RHOJ: variants seen among roughly 807,000 people sequenced by gnomAD.
The protein encoded by RHOJ is ras homolog family member J, also known as rho-related GTP-binding protein RhoJ.
RHOJ carries 11 observed loss-of-function variants against 23.4 expected under a neutral mutation model. The ratio of observed to expected loss-of-function variants is 0.47; its 90% CI spans 0.30 to 0.78. The LOEUF is 0.78. RHOJ is among the 30% of genes least tolerant of loss of function. RHOJ has a pLI of 0.08. For missense variants in RHOJ, 254 were observed against 273.4 expected, an observed-to-expected ratio of 0.93 and a Z score of 0.50; for synonymous variants, 102 against 102.7, an observed-to-expected ratio of 0.99 and a Z score of 0.04.
chr14:63,283,361 G>C (rs1010669428), intron 4 of RHOJ, 145 bp downstream of exon 4: 10 of 687,196 alleles, frequency 1.5e-5, no homozygotes, highest in African/African-American at 1.4e-4. Context: ...CTCCCCCTCT[G>C]TTCTAGTCGG....
intron 1 of RHOJ, among the ~76,000 whole-genome samples, chr14:63,242,465 G>A (rs897343894): frequency 2.3e-4 from 35 of 152,088 alleles, no homozygotes; most frequent in Non-Finnish European, 4.6e-4. Context: ...GCTACTTGGG[G>A]TGTTGAGGAG....
chr14:63,221,533 G>T (rs982209249), intron 1 of RHOJ, among the ~76,000 whole-genome samples: 1 of 152,202 alleles, frequency 6.6e-6, no homozygotes, highest in Non-Finnish European at 1.5e-5. Context: ...CATTATATAT[G>T]AAAGGATACA....
At chr14:63,213,976 G>A (rs982779648) in intron 1 of RHOJ, among the ~76,000 whole-genome samples, 7 of 152,180 alleles carry the variant, frequency 4.6e-5, no homozygotes, top group African/African-American at 1.7e-4. Context: ...TGTGCCCAAA[G>A]AAGGGACAAA....
intron 1 of RHOJ, among the ~76,000 whole-genome samples, chr14:63,238,512 G>A (rs1386477036): frequency 6.6e-6 from 1 of 152,102 alleles, no homozygotes; most frequent in African/African-American, 2.4e-5. Flanking sequence ...TGCCTTCCAG[G>A]CTCAAGCCAT....
rs369357705 is a variant in RHOJ, at chr14:63,281,166, G to A, written c.402+31G>A. On this transcript the variant is annotated intron_variant, in intron 3 of 4. Coordinates refer to ENST00000316754, the MANE Select transcript of RHOJ (RefSeq NM_020663.5). Reference sequence around the variant, plus strand: ...AATGTGGGCGATGGCAGGGTGGAGCGGGCTGCAAAAATGGGAAGACCCTTT... The same window carrying A: ...AATGTGGGCGATGGCAGGGTGGAGCAGGCTGCAAAAATGGGAAGACCCTTT... 32 of 1,568,926 alleles carry A rather than the reference G, an allele frequency of 2.0e-5. No individual in the cohort carries two copies. The Admixed American group carries it at 2.3e-4, about 11-fold the overall frequency.
At chr14:63,264,062 A>T (rs1388090780) in intron 1 of RHOJ, among the ~76,000 whole-genome samples, 1 of 151,914 alleles carries the variant, frequency 6.6e-6, no homozygotes, top group Non-Finnish European at 1.5e-5. Context: ...ATCGTGAATG[A>T]CACTGAGGTT....
intron 4 of RHOJ, among the ~76,000 whole-genome samples, chr14:63,290,147 G>A (rs909614709): frequency 6.6e-6 from 1 of 152,150 alleles, no homozygotes; most frequent in Non-Finnish European, 1.5e-5. Context: ...AGACGCTGAG[G>A]CAGGAGAATC....
At chr14:63,259,612 G>A (rs561593490) in intron 1 of RHOJ, among the ~76,000 whole-genome samples, 4 of 152,286 alleles carry the variant, frequency 2.6e-5, no homozygotes, top group Admixed American at 2.0e-4. Context: ...TAATAATAAA[G>A]GTAACAGTGA....
chr14:63,276,358 T>A (rs1467135703), intron 2 of RHOJ, among the ~76,000 whole-genome samples: 1 of 152,208 alleles, frequency 6.6e-6, no homozygotes, highest in African/African-American at 2.4e-5. Context: ...GGAATTGTAT[T>A]TTCCCAATTC....
Position 63,204,525 on chromosome 14 carries a change from C to A in RHOJ, c.-345C>A. The A allele has an allele frequency of 4.2e-6, 1 of 235,408 alleles. No homozygotes were observed. The highest frequency in any genetic ancestry group is 8.2e-6 in the Non-Finnish European group (1 of 121,602). 14.6% of individuals were successfully genotyped at this position (235,408 alleles called of 1,614,324 possible). A position where few individuals can be genotyped will look rare whatever the true frequency, so the allele number is the denominator to read the frequency against. ...AGCAAAATTCCACCGTATCTTTTGCCAGGCTAGAGACAGGGAGAGCAGAGT... is the reference window on the plus strand; with the variant it reads ...AGCAAAATTCCACCGTATCTTTTGCAAGGCTAGAGACAGGGAGAGCAGAGT... On this transcript the variant is annotated 5_prime_UTR_variant, in exon 1 of 5. Transcript: ENST00000316754.
At chr14:63,282,870 C>T (rs1881954221) in intron 3 of RHOJ, among the ~76,000 whole-genome samples, 1 of 152,024 alleles carries the variant, frequency 6.6e-6, no homozygotes. Context: ...GCAACAGAAT[C>T]ATCCGAGTAG....
At chr14:63,212,746 T>C (rs1488970662) in intron 1 of RHOJ, among the ~76,000 whole-genome samples, 2 of 152,196 alleles carry the variant, frequency 1.3e-5, no homozygotes, top group African/African-American at 4.8e-5. Flanking sequence ...CTGTGTTCTA[T>C]CAATCTCAGC....
chr14:63,283,369 C>A lies in RHOJ; in HGVS notation c.498+153C>A, dbSNP rs543715916. 1.5e-4 allele frequency: 98 copies of A among 666,040 alleles called. 1 individual carries two copies. The South Asian group carries it at 1.8e-3, about 12-fold the overall frequency. The allele number at this position is 666,040 out of a possible 1,614,324, so 41.3% of individuals were successfully genotyped here. On this transcript the variant is annotated intron_variant, in intron 4 of 4. Coordinates refer to ENST00000316754, the MANE Select transcript of RHOJ (RefSeq NM_020663.5). ...TTCTATTCTCCCCCTCTGTTCTAGT[C>A]GGGCTGGAAGGAGCCATTTGGTTAG... is the stretch of plus-strand genomic sequence containing the variant.
At chr14:63,289,915 T>C (rs142279616) in intron 4 of RHOJ, among the ~76,000 whole-genome samples, 9 of 148,716 alleles carry the variant, frequency 6.1e-5, no homozygotes, top group African/African-American at 1.7e-4. Flanking sequence ...TTTTAGTGGG[T>C]TTTTTTTTTA....
At chr14:63,290,759 C>A in intron 4 of RHOJ, 119 bp from the exon 5 acceptor site, 4 of 841,388 alleles carry the variant, frequency 4.8e-6, no homozygotes, top group Non-Finnish European at 5.2e-6. Context: ...TAATCCAAAC[C>A]ACCCCACAGG....
At chr14:63,262,247 T>G (rs143876784) in intron 1 of RHOJ, among the ~76,000 whole-genome samples, 1 of 152,312 alleles carries the variant, frequency 6.6e-6, no homozygotes, top group African/African-American at 2.4e-5. Context: ...GAACACACAC[T>G]GTTTTGTGAG....
chr14:63,233,768 C>T (rs1566612529), intron 1 of RHOJ, among the ~76,000 whole-genome samples: 1 of 152,160 alleles, frequency 6.6e-6, no homozygotes, highest in Non-Finnish European at 1.5e-5. Context: ...TTTAACCAGC[C>T]TGGCTTCTCG....
intron 2 of RHOJ, among the ~76,000 whole-genome samples, chr14:63,273,522 G>A (rs1028665534): frequency 1.3e-5 from 2 of 152,174 alleles, no homozygotes; most frequent in African/African-American, 2.4e-5. Context: ...GGTTGGGGAC[G>A]CCACAGCCAA....
chr14:63,288,246 C>A (rs577293875), intron 4 of RHOJ: 2 of 985,412 alleles, frequency 2.0e-6, no homozygotes, highest in East Asian at 2.3e-4. Context: ...AAAGGCAAAG[C>A]CTGACATGCT....
Sources: allele counts gnomAD v4.1 joint callset (sites outside exome capture counted in the v4.1 genomes callset), GRCh38; gene constraint gnomAD v4.1.1; transcripts MANE v1.5; gene names NCBI Gene and HGNC (gene_info 2026-07-23, HGNC 2026-07-21).